RANBP17: variants seen among roughly 807,000 people sequenced by gnomAD.
RANBP17 encodes ran-binding protein 17.
Under a neutral mutation model 141.2 loss-of-function variants are expected in RANBP17, and 158 were observed. That is an observed-to-expected ratio of 1.12 (90% CI 0.98 to 1.28). RANBP17 has a LOEUF of 1.28. RANBP17 is among the 50% of genes most tolerant of loss of function. RANBP17 has a pLI of 0.00. For missense variants in RANBP17, 1,438 were observed against 1,290.7 expected, an observed-to-expected ratio of 1.11 and a Z score of -1.75; for synonymous variants, 430 against 450.0, an observed-to-expected ratio of 0.96 and a Z score of 0.56.
intron 14 of RANBP17, among the ~76,000 whole-genome samples, chr5:171,165,056 A>G (rs77633493): frequency 0.015 from 2,328 of 152,344 alleles, 55 homozygotes; most frequent in African/African-American, 0.053. Context: ...TTCAGCACCT[A>G]CTGTGCAGAA....
intron 12 of RANBP17, among the ~76,000 whole-genome samples, chr5:170,934,107 G>T (rs1003172149): frequency 3.3e-5 from 5 of 152,142 alleles, no homozygotes; most frequent in Admixed American, 1.3e-4. Flanking sequence ...CCTGTATTGG[G>T]TGCATATATA....
chr5:171,298,575 T>A (rs540014131), intron 27 of RANBP17, among the ~76,000 whole-genome samples, 187 bp from the exon 28 acceptor site: 1 of 152,332 alleles, frequency 6.6e-6, no homozygotes, highest in East Asian at 1.9e-4. Flanking sequence ...GATGAGGGGT[T>A]GGCAGTACTG....
At chr5:171,177,012 A>G (rs1760527830) in intron 16 of RANBP17, among the ~76,000 whole-genome samples, 2 of 152,174 alleles carry the variant, frequency 1.3e-5, no homozygotes, top group East Asian at 1.9e-4. Flanking sequence ...CTTTTGTGAA[A>G]CAGTATTAAA....
chr5:170,924,664 C>T (rs1772769823), intron 12 of RANBP17, 114 bp downstream of exon 12: 1 of 661,132 alleles, frequency 1.5e-6, no homozygotes. Flanking sequence ...AATTCCTGGT[C>T]CCCTAATAAA....
intron 14 of RANBP17, among the ~76,000 whole-genome samples, chr5:170,995,137 T>C (rs573006170): frequency 6.6e-4 from 101 of 152,264 alleles, no homozygotes; most frequent in Non-Finnish European, 1.2e-3. Context: ...AATTAAATTA[T>C]TAAGATTTTT....
chr5:170,951,176 A>G (rs1005767493), intron 12 of RANBP17, among the ~76,000 whole-genome samples: 2 of 152,104 alleles, frequency 1.3e-5, no homozygotes, highest in African/African-American at 4.8e-5. Flanking sequence ...TAGGGTAACT[A>G]TAACTATAGT....
chr5:171,127,279 C>T (rs1366928826), intron 14 of RANBP17, among the ~76,000 whole-genome samples: 2 of 152,160 alleles, frequency 1.3e-5, no homozygotes, highest in Admixed American at 1.3e-4. Context: ...AACATGCCTT[C>T]ATGATAAAAA....
chr5:170,924,476 A>T lies in RANBP17; in HGVS notation c.1394A>T (p.Asp465Val). 6.2e-7 allele frequency: 1 copy of T among 1,613,208 alleles called. No individual in the cohort carries two copies. Among genetic ancestry groups the T allele is most frequent in the African/African-American group, 1.3e-5 (1 of 75,000 alleles). The part of the protein sequence containing the change: ...KTCALLVQLF[D>V]QNAQNYQKLL... ...TGTGCTCTTCTTGTGCAGTTATTCGACCAAAATGCACAGAATTACCAAAAA... is the reference window on the plus strand; with the variant it reads ...TGTGCTCTTCTTGTGCAGTTATTCGTCCAAAATGCACAGAATTACCAAAAA... Residue 465 changes from aspartate to valine, a missense_variant, in exon 12 of 28, where the codon GAC becomes GTC. By Grantham distance (152) the Asp-to-Val change is radical. Transcript: ENST00000523189.
At chr5:171,059,528 T>A (rs1401031517) in intron 14 of RANBP17, among the ~76,000 whole-genome samples, 1 of 151,432 alleles carries the variant, frequency 6.6e-6, no homozygotes, top group African/African-American at 2.4e-5. Context: ...TCTATATCTC[T>A]GTTTTGGTAC....
At chr5:171,130,376 G>A (rs1339724688) in intron 14 of RANBP17, among the ~76,000 whole-genome samples, 1 of 123,830 alleles carries the variant, frequency 8.1e-6, no homozygotes, top group African/African-American at 3.0e-5. Flanking sequence ...TGAATATAAT[G>A]TTTTCTTTTT....
intron 14 of RANBP17, among the ~76,000 whole-genome samples, chr5:171,005,551 C>T (rs1561978481): frequency 1.3e-5 from 2 of 152,148 alleles, no homozygotes; most frequent in Admixed American, 1.3e-4. Flanking sequence ...ATGTAGAAAG[C>T]TGAAACTGGA....
intron 12 of RANBP17, among the ~76,000 whole-genome samples, chr5:170,929,591 T>C (rs775488685): frequency 6.6e-6 from 1 of 152,198 alleles, no homozygotes; most frequent in Non-Finnish European, 1.5e-5. Context: ...ATATAATGTT[T>C]CTTTAGAAAT....
At chr5:170,894,082 C>T (rs190195862) in intron 4 of RANBP17, among the ~76,000 whole-genome samples, 346 of 152,188 alleles carry the variant, frequency 2.3e-3, no homozygotes, top group Non-Finnish European at 3.5e-3. Context: ...TTTAGAACTC[C>T]ACAGGAATAA....
At chr5:171,057,281 T>G (rs1337053133) in intron 14 of RANBP17, among the ~76,000 whole-genome samples, 1 of 152,200 alleles carries the variant, frequency 6.6e-6, no homozygotes, top group Non-Finnish European at 1.5e-5. Context: ...AACTTGATTG[T>G]TTTCTGGTTT....
intron 14 of RANBP17, among the ~76,000 whole-genome samples, chr5:171,060,959 T>TCA (rs1554090214): frequency 0.027 from 4,072 of 148,376 alleles, 184 homozygotes; most frequent in African/African-American, 0.094. Flanking sequence ...GTAGAGGTGT[T>TCA]TAGTATTCTC....
chr5:171,255,378 G>A (rs1289386009), intron 24 of RANBP17, among the ~76,000 whole-genome samples: 1 of 152,228 alleles, frequency 6.6e-6, no homozygotes, highest in East Asian at 1.9e-4. Context: ...GAAGTCATTT[G>A]CATTAAAGTA....
intron 14 of RANBP17, among the ~76,000 whole-genome samples, chr5:171,167,630 A>G (rs1406951059): frequency 6.6e-6 from 1 of 152,180 alleles, no homozygotes; most frequent in East Asian, 1.9e-4. Flanking sequence ...ATACTCATTC[A>G]TATTTTCATC....
At position 171,016,695 on chromosome 5, in the gene RANBP17, A is replaced by AT. The variant is rs765075549; in HGVS notation, c.1710+48322dup. Among the ~76,000 whole-genome samples, 179 of 151,402 alleles carry AT rather than the reference A, an allele frequency of 1.2e-3. 1 individual carries two copies. Among genetic ancestry groups the AT allele is most frequent in the Non-Finnish European group, 1.2e-3 (82 of 67,830 alleles). ...CTTTTTGAGTATTTTTTACTATTCC[A>AT]TTTTATCTTCACTATTGACTTATTA... On this transcript the variant is annotated intron_variant, in intron 14 of 27. Coordinates refer to ENST00000523189, the MANE Select transcript of RANBP17 (RefSeq NM_022897.5).
chr5:171,102,771 T>C (rs565531699), intron 14 of RANBP17, among the ~76,000 whole-genome samples: 2 of 152,276 alleles, frequency 1.3e-5, no homozygotes, highest in South Asian at 4.1e-4. Context: ...GACCTTCGGA[T>C]GGAGTTTTTG....
Sources: gnomAD v4.1 joint callset for allele counts (sites outside exome capture counted in the v4.1 genomes callset) on GRCh38, gnomAD v4.1.1 for gene constraint, MANE v1.5 for transcripts, NCBI Gene and HGNC (gene_info 2026-07-23, HGNC 2026-07-21) for gene names.